CDH4: variants seen among roughly 807,000 people sequenced by gnomAD.
CDH4 encodes cadherin 4, also known as cadherin-4.
In CDH4, 33 loss-of-function variants were observed where a neutral mutation model predicts 86.0. The ratio of observed to expected loss-of-function variants is 0.38; its 90% CI spans 0.29 to 0.51. The LOEUF is 0.51. Ranked by LOEUF, CDH4 falls within the 20% of genes least tolerant of loss-of-function variation. The probability of loss-of-function intolerance (pLI) is 0.86; values close to 1 mark genes in which losing one functional copy is unlikely to be tolerated. For missense variants in CDH4, 1,114 were observed against 1,307.4 expected, an observed-to-expected ratio of 0.85 and a Z score of 2.28; for synonymous variants, 555 against 549.4, an observed-to-expected ratio of 1.01 and a Z score of -0.14.
At chr20:61,935,692 A>C (rs6142885) in intron 15 of CDH4, among the ~76,000 whole-genome samples, 81,321 of 151,652 alleles carry the variant, frequency 0.54, 22,402 homozygotes, top group East Asian at 0.87. Context: ...TCAAGACCAG[A>C]CTGGCCAACA....
At chr20:61,725,983 A>G (rs964643475) in intron 2 of CDH4, among the ~76,000 whole-genome samples, 1 of 152,210 alleles carries the variant, frequency 6.6e-6, no homozygotes. Flanking sequence ...CCTGAGTCCC[A>G]GCTATCAGCT....
At chr20:61,437,908 C>T (rs556943675) in intron 2 of CDH4, among the ~76,000 whole-genome samples, 9 of 152,288 alleles carry the variant, frequency 5.9e-5, no homozygotes, top group Non-Finnish European at 1.2e-4. Context: ...ATCCAGGAAT[C>T]GGGAAACGTT....
intron 2 of CDH4, chr20:61,570,590 C>T: frequency 2.9e-6 from 2 of 694,526 alleles, no homozygotes; most frequent in Admixed American, 2.0e-5. Context: ...CCCCATTGCT[C>T]TGCCCTTTAA....
At chr20:61,714,914 G>A (rs1334083509) in intron 2 of CDH4, among the ~76,000 whole-genome samples, 1 of 152,152 alleles carries the variant, frequency 6.6e-6, no homozygotes, top group Non-Finnish European at 1.5e-5. Flanking sequence ...CTTTTCCATT[G>A]GGTAGATACC....
chr20:61,439,695 A>C (rs1020541023), intron 2 of CDH4, among the ~76,000 whole-genome samples: 4 of 152,258 alleles, frequency 2.6e-5, no homozygotes, highest in African/African-American at 9.6e-5. Flanking sequence ...TCAGACAGTC[A>C]CTGGCCAGTC....
intron 2 of CDH4, among the ~76,000 whole-genome samples, chr20:61,337,642 C>G (rs1277896199): frequency 3.3e-5 from 5 of 152,094 alleles, no homozygotes; most frequent in East Asian, 3.9e-4. Flanking sequence ...TCCAAAGCCT[C>G]TCCCTGTGAG....
chr20:61,517,268 C>T lies in CDH4; in HGVS notation c.170-226295C>T, dbSNP rs535487868. 6.6e-4 allele frequency among the ~76,000 whole-genome samples: 101 copies of T among 152,346 alleles called. 1 individual carries two copies. The highest frequency in any genetic ancestry group is 2.1e-3 in the African/African-American group (86 of 41,582). ...AAGGCAGTGGCGCAGTCACAACCCACGGCAGCCGCCAACTCCTGGGCTCAA... is the reference window on the plus strand; with the variant it reads ...AAGGCAGTGGCGCAGTCACAACCCATGGCAGCCGCCAACTCCTGGGCTCAA... On this transcript the variant is annotated intron_variant, in intron 2 of 15. Transcript: ENST00000614565. This position sits in a 1 kb window ranked among gnomAD's most constrained non-coding sequence, Gnocchi z 6.6.
intron 2 of CDH4, among the ~76,000 whole-genome samples, chr20:61,556,749 C>G (rs1019795196): frequency 4.6e-5 from 7 of 152,294 alleles, no homozygotes; most frequent in Middle Eastern, 3.4e-3. Context: ...TGGTGCCCCC[C>G]ACCTTGGTGC....
chr20:61,913,929 T>C (rs1287893692), intron 9 of CDH4, among the ~76,000 whole-genome samples: 1 of 152,184 alleles, frequency 6.6e-6, no homozygotes, highest in African/African-American at 2.4e-5. Flanking sequence ...CCCCTAGCCA[T>C]CAGGGTCTCC....
chr20:61,365,580 G>C (rs1190915470), intron 2 of CDH4, among the ~76,000 whole-genome samples: 1 of 152,154 alleles, frequency 6.6e-6, no homozygotes, highest in Non-Finnish European at 1.5e-5. Flanking sequence ...TGGGCTCAGT[G>C]TGGGGGTCGA....
intron 4 of CDH4, among the ~76,000 whole-genome samples, chr20:61,843,967 G>C (rs1982304691): frequency 6.6e-6 from 1 of 152,184 alleles, no homozygotes; most frequent in African/African-American, 2.4e-5. Flanking sequence ...TGACCACCAA[G>C]TCCCCCTCCT....
At position 61,896,457 on chromosome 20, in the gene CDH4, G is replaced by A. The variant is rs1240508494; in HGVS notation, c.1188+1410G>A. Among the ~76,000 whole-genome samples, 3 of 152,166 alleles carry A rather than the reference G, an allele frequency of 2.0e-5. No individual in the cohort carries two copies. The East Asian group carries it at 5.8e-4, about 29-fold the overall frequency. ...CTGTGAGCACACAACGCCATCTGGT[G>A]GGAAGATGGCAGATCACAGCGAAGG... On this transcript the variant is annotated intron_variant, in intron 8 of 15. Transcript: ENST00000614565.
intron 2 of CDH4, among the ~76,000 whole-genome samples, chr20:61,532,801 T>C (rs80199413): frequency 0.023 from 3,551 of 151,758 alleles, 137 homozygotes; most frequent in African/African-American, 0.081. Flanking sequence ...ATGTGATGAG[T>C]TTTCTGTGTC....
intron 2 of CDH4, among the ~76,000 whole-genome samples, chr20:61,485,671 C>T (rs1045077314): frequency 6.6e-6 from 1 of 151,848 alleles, no homozygotes; most frequent in Non-Finnish European, 1.5e-5. Flanking sequence ...ATGGAGGATT[C>T]TCCTGACTCT....
intron 2 of CDH4, among the ~76,000 whole-genome samples, chr20:61,422,298 C>T (rs201575160): frequency 1.4e-5 from 1 of 70,670 alleles, no homozygotes; most frequent in Non-Finnish European, 2.7e-5. Flanking sequence ...GTAGTGCATG[C>T]CTGTAATCCC....
chr20:61,832,786 C>A (rs539777330), intron 4 of CDH4, among the ~76,000 whole-genome samples: 4 of 152,176 alleles, frequency 2.6e-5, no homozygotes, highest in Non-Finnish European at 5.9e-5. Context: ...AAAGTCTAAC[C>A]ATACCACCTG....
In CDH4 at chr20:61,445,960, C is replaced by G. The variant is rs144052783; in HGVS notation, c.169+191023C>G. Among the ~76,000 whole-genome samples the G allele has an allele frequency of 4.3e-3, 649 of 152,306 alleles. 8 individuals carry two copies. The highest frequency in any genetic ancestry group is 0.015 in the Admixed American group (228 of 15,300). The stretch of plus-strand genomic sequence containing the variant: ...CGCTGGCCCTGGAGCCTCCCATGCC[C>G]GCTGGTGGATAGCAGTTGGTTACAG... On this transcript the variant is annotated intron_variant, in intron 2 of 15. Transcript: ENST00000614565.
At chr20:61,519,655 G>A (rs566071978) in intron 2 of CDH4, among the ~76,000 whole-genome samples, 5 of 152,368 alleles carry the variant, frequency 3.3e-5, no homozygotes, top group East Asian at 1.9e-4. Flanking sequence ...CGCCAGCATC[G>A]CAGGGCGATT....
intron 6 of CDH4, 93 bp downstream of exon 6, chr20:61,852,991 C>T: frequency 7.5e-7 from 1 of 1,341,286 alleles, no homozygotes; most frequent in East Asian, 2.5e-5. Flanking sequence ...TTAGTCCCCG[C>T]TACCAGGATG....
Sources: gnomAD v4.1 joint callset for allele counts (sites outside exome capture counted in the v4.1 genomes callset) on GRCh38, gnomAD v4.1.1 for gene constraint, Gnocchi (gnomAD v3.1) non-coding constraint, MANE v1.5 for transcripts, NCBI Gene and HGNC (gene_info 2026-07-23, HGNC 2026-07-21) for gene names.